Variants in AK7 observed in about 807,000 individuals in gnomAD.
The protein encoded by AK7 is ATP-AMP transphosphorylase 7.
AK7 carries 78 observed loss-of-function variants against 96.6 expected under a neutral mutation model. The ratio of observed to expected loss-of-function variants is 0.81; its 90% confidence interval spans 0.67 to 0.97. The LOEUF is 0.97. Among genes scored for constraint, AK7 ranks in the 50% least tolerant of loss-of-function variants. The pLI, the probability that AK7 is intolerant of heterozygous loss-of-function variation, is 0.00. For missense variants in AK7, 855 were observed against 887.9 expected (o/e 0.96, Z 0.47); for synonymous variants, 302 against 317.2 (o/e 0.95, Z 0.51).
At position 96,483,229 on chromosome 14, in the gene AK7, G is replaced by A. The variant is rs897118106; in HGVS notation, c.1974+10G>A. On this transcript the variant is annotated intron_variant, in intron 16 of 17. Transcript: ENST00000267584. ...TCGCTGGGAGGAGTGGGTGAGTGGT[G>A]AGTGTGTTTGTGAGTCTGTGTATCT... 7.0e-6 allele frequency: 11 copies of A among 1,581,656 alleles called. No individual in the cohort carries two copies. Among genetic ancestry groups the A allele is most frequent in the Non-Finnish European group, 9.4e-6 (11 of 1,164,062 alleles).
chr14:96,439,663 C>CAAA (rs58424748), intron 6 of AK7, among the ~76,000 whole-genome samples: 1 of 109,648 alleles, frequency 9.1e-6, no homozygotes, highest in Non-Finnish European at 1.8e-5. Context: ...GACTCCATCT[C>CAAA]AAAAAAAAAA....
chr14:96,449,727 C>G, intron 8 of AK7, 75 bp from the exon 9 acceptor site: 1 of 1,132,322 alleles, frequency 8.8e-7, no homozygotes, highest in South Asian at 1.3e-5. Flanking sequence ...AGCCACTGCG[C>G]CTGGCCCATT....
intron 5 of AK7, among the ~76,000 whole-genome samples, chr14:96,437,214 T>G (rs1385791897): frequency 6.6e-6 from 1 of 152,154 alleles, no homozygotes; most frequent in East Asian, 1.9e-4. Flanking sequence ...AGAGTATAAT[T>G]GGAGTGTTTG....
chr14:96,405,913 T>A (rs1890683587), intron 3 of AK7, among the ~76,000 whole-genome samples: 1 of 152,162 alleles, frequency 6.6e-6, no homozygotes, highest in Admixed American at 6.6e-5. Flanking sequence ...CAACCTCTTT[T>A]TTTGTTTTGA....
chr14:96,483,231 G>C lies in AK7; in HGVS notation c.1974+12G>C, dbSNP rs767937513. 1 of 1,579,592 alleles carries C rather than the reference G, an allele frequency of 6.3e-7. No individual in the cohort carries two copies. Among genetic ancestry groups the C allele is most frequent in the South Asian group, 1.1e-5 (1 of 87,206 alleles). The stretch of plus-strand genomic sequence containing the variant: ...GCTGGGAGGAGTGGGTGAGTGGTGA[G>C]TGTGTTTGTGAGTCTGTGTATCTGT... On this transcript the variant is annotated intron_variant, in intron 16 of 17. Transcript: ENST00000267584.
intron 4 of AK7, among the ~76,000 whole-genome samples, chr14:96,415,405 T>G (rs1478714531): frequency 6.6e-6 from 1 of 152,162 alleles, no homozygotes; most frequent in South Asian, 2.1e-4. Context: ...TCCATGTATA[T>G]TTGAACATCT....
At chr14:96,487,117 GTA>G in intron 17 of AK7, 61 bp downstream of exon 17, 1 of 1,562,900 alleles carries the variant, frequency 6.4e-7, no homozygotes. Context: ...GCTTACACCT[GTA>G]ATCCCAGCAC....
chr14:96,427,010 T>C (rs1892063334), intron 5 of AK7, among the ~76,000 whole-genome samples: 2 of 151,894 alleles, frequency 1.3e-5, no homozygotes, highest in African/African-American at 2.4e-5. Flanking sequence ...CTTTGGGAGG[T>C]GGAGGCGGGC....
intron 10 of AK7, among the ~76,000 whole-genome samples, chr14:96,455,635 G>T (rs1170973340): frequency 6.6e-6 from 1 of 152,210 alleles, no homozygotes; most frequent in African/African-American, 2.4e-5. Context: ...CCTGTACTGT[G>T]CACTGTCTTG....
intron 15 of AK7, 145 bp downstream of exon 15, chr14:96,478,807 A>C: frequency 4.0e-6 from 3 of 755,774 alleles, no homozygotes; most frequent in Non-Finnish European, 6.5e-6. Context: ...TACACAGGGC[A>C]CTCCTCCTGG....
rs547599511 is a variant in AK7, at chr14:96,473,031, G to A, written c.1555+276G>A. Among the ~76,000 whole-genome samples the A allele has an allele frequency of 1.5e-3, 229 of 152,148 alleles. 1 individual carries two copies. Among genetic ancestry groups the A allele is most frequent in the African/African-American group, 5.2e-3 (216 of 41,514 alleles). On this transcript the variant is annotated intron_variant, in intron 14 of 17. Transcript: ENST00000267584. ...CAGAAGACAGAGATTGCAGTGAGCC[G>A]AGATCCTGCCACTGCACTCCAGCCT...
chr14:96,404,514 C>A (rs1890595361), intron 2 of AK7, among the ~76,000 whole-genome samples: 1 of 152,254 alleles, frequency 6.6e-6, no homozygotes, highest in South Asian at 2.1e-4. Flanking sequence ...AGAAATAGAA[C>A]CTAAGATTAT....
chr14:96,418,506 CTTTTTGTTTTTGTTTTTG>C (rs10702431), intron 4 of AK7, among the ~76,000 whole-genome samples: 3 of 148,964 alleles, frequency 2.0e-5, no homozygotes, highest in Non-Finnish European at 3.0e-5. Context: ...CTCAGTAGGG[CTTTTTGTTTTTGTTTTTG>C]TTTTTGTTTT....
Position 96,487,042 on chromosome 14 carries a change from C to A in AK7, c.2119C>A (p.Pro707Thr), listed in dbSNP as rs1262779334. 6.2e-7 allele frequency: 1 copy of A among 1,613,740 alleles called. No homozygotes were observed. Among genetic ancestry groups the A allele is most frequent in the Non-Finnish European group, 8.5e-7 (1 of 1,179,938 alleles). Reference protein sequence around the residue: ...NECCNVRPEDPVDFLAEYLFK... With the variant: ...NECCNVRPEDTVDFLAEYLFK... Reference sequence around the variant, plus strand: ...ATGTTGCAACGTCCGACCCGAAGACCCTGTTGATTTTCTGGTAACATATTT... The same window carrying A: ...ATGTTGCAACGTCCGACCCGAAGACACTGTTGATTTTCTGGTAACATATTT... Residue 707 changes from proline (P) to threonine (T), a missense_variant, in exon 17 of 18, where the codon CCT becomes ACT. Physicochemically the swap from Pro to Thr is conservative, Grantham distance 38. Transcript: ENST00000267584.
chr14:96,452,835 G>T (rs919083813), intron 10 of AK7, among the ~76,000 whole-genome samples: 1 of 152,088 alleles, frequency 6.6e-6, no homozygotes, highest in Non-Finnish European at 1.5e-5. Context: ...TAGGTAGGAC[G>T]CAGACTTAAC....
chr14:96,449,873 C>T lies in AK7; in HGVS notation c.942C>T (p.Asp314=). The change falls in exon 9 of 18, where the codon GAC becomes GAT. Residue 314 remains aspartate (D), a synonymous_variant. Transcript: ENST00000267584. ...IPRENAYLTK[D]LTQDCLDHLL... is the part of the protein sequence containing the mutation. ...GAGAAAATGCATACCTAACCAAGGA[C>T]TTAACGGTTAGTATATGCGGTGTTT... The T allele has an allele frequency of 3.1e-6, 5 of 1,593,600 alleles. No individual in the cohort carries two copies. The highest frequency in any genetic ancestry group is 3.4e-6 in the Non-Finnish European group (4 of 1,167,372).
rs750838134 is a variant in AK7 at position 96,486,936 on chromosome 14, A to G, written c.2013A>G (p.Glu671=). Residue 671 remains glutamate, a synonymous_variant, in exon 17 of 18, where the codon GAA becomes GAG. Coordinates refer to ENST00000267584, the MANE Select transcript of AK7 (RefSeq NM_152327.5). ...AGGAAGTGAAAAGAGAAGAAAGAGA[A>G]TTACTGGAGGCTCAGTCAATTCCCC... ...RLEEVKREER[E]LLEAQSIPLR... The G allele has an allele frequency of 5.0e-6, 8 of 1,614,080 alleles. No individual in the cohort carries two copies. Among genetic ancestry groups the G allele is most frequent in the South Asian group, 4.4e-5 (4 of 91,086 alleles).
chr14:96,400,557 T>C (rs1354827263), intron 2 of AK7, among the ~76,000 whole-genome samples: 1 of 152,224 alleles, frequency 6.6e-6, no homozygotes, highest in African/African-American at 2.4e-5. Flanking sequence ...TTCCTGCCCC[T>C]TCCTGGGCTC....
intron 10 of AK7, among the ~76,000 whole-genome samples, chr14:96,452,199 A>G (rs1191216643): frequency 6.6e-6 from 1 of 152,262 alleles, no homozygotes; most frequent in Non-Finnish European, 1.5e-5. Flanking sequence ...ACATTGTGGA[A>G]TGGCTAAATC....
Sources: allele counts gnomAD v4.1 joint callset (sites outside exome capture counted in the v4.1 genomes callset), GRCh38; gene constraint gnomAD v4.1.1; transcripts MANE v1.5; gene names NCBI Gene and HGNC (gene_info 2026-07-23, HGNC 2026-07-21).